Variants in MECOM observed in about 807,000 individuals in gnomAD.
The protein encoded by MECOM is MDS1 and EVI1 complex locus, also known as histone-lysine N-methyltransferase MECOM.
MECOM carries 13 observed loss-of-function variants against 116.3 expected under a neutral mutation model. The ratio of observed to expected loss-of-function variants is 0.11; its 90% confidence interval spans 0.07 to 0.18. The LOEUF (loss-of-function observed/expected upper bound fraction) is 0.18. MECOM is among the 10% of genes least tolerant of loss of function. The probability of loss-of-function intolerance (pLI) is 1.00; values close to 1 mark genes in which losing one functional copy is unlikely to be tolerated. For missense variants in MECOM, 1,299 were observed against 1,509.0 expected, an observed-to-expected ratio of 0.86 and a Z score of 2.31; for synonymous variants, 528 against 535.2, an observed-to-expected ratio of 0.99 and a Z score of 0.19.
At chr3:169,129,547 G>A (rs986293679) in intron 4 of MECOM, among the ~76,000 whole-genome samples, 2 of 151,876 alleles carry the variant, frequency 1.3e-5, no homozygotes, top group Non-Finnish European at 2.9e-5. Flanking sequence ...GGATTTAGAG[G>A]GTCGAGAGAG....
At chr3:169,164,741 G>A (rs1428766856) in intron 2 of MECOM, among the ~76,000 whole-genome samples, 1 of 150,796 alleles carries the variant, frequency 6.6e-6, no homozygotes, top group Non-Finnish European at 1.5e-5. Context: ...TTAACATTAT[G>A]TCATTAAACC....
At chr3:169,607,058 T>C (rs1250001290) in intron 1 of MECOM, among the ~76,000 whole-genome samples, 1 of 152,224 alleles carries the variant, frequency 6.6e-6, no homozygotes, top group Non-Finnish European at 1.5e-5. Flanking sequence ...CTCATTGAAC[T>C]CTTTCCACAA....
chr3:169,382,378 G>T, intron 1 of MECOM, among the ~76,000 whole-genome samples: 1 of 152,068 alleles, frequency 6.6e-6, no homozygotes, highest in East Asian at 1.9e-4. Context: ...CAGCAGGGTT[G>T]GATAGCTAGG....
chr3:169,434,888 T>C (rs1180082972), intron 1 of MECOM, among the ~76,000 whole-genome samples: 1 of 152,206 alleles, frequency 6.6e-6, no homozygotes, highest in Non-Finnish European at 1.5e-5. Flanking sequence ...AAATTTAAAC[T>C]TCATTACATC....
In MECOM at chr3:169,118,869, C is replaced by T. The variant is rs759006746; in HGVS notation, c.1133-2130G>A. Among the ~76,000 whole-genome samples the T allele has an allele frequency of 1.6e-4, 24 of 152,066 alleles. 1 individual carries two copies. The highest frequency in any genetic ancestry group is 2.4e-4 in the Non-Finnish European group (16 of 68,008). On this transcript the variant is annotated intron_variant, in intron 7 of 16. Coordinates refer to ENST00000651503, the MANE Select transcript of MECOM (RefSeq NM_004991.4). ...TCTGGGATGTTTTCTTAGGCAGAGG[C>T]TTTGTTTTCGGCACTTGAAGGCCTG...
intron 1 of MECOM, among the ~76,000 whole-genome samples, chr3:169,654,813 A>AACACACACACAC (rs10622808): frequency 5.5e-4 from 82 of 148,086 alleles, no homozygotes; most frequent in African/African-American, 2.0e-3. Context: ...CACCTATCAA[A>AACACACACACAC]ACACACACAC....
intron 1 of MECOM, among the ~76,000 whole-genome samples, chr3:169,561,893 C>T (rs1227756026): frequency 6.6e-6 from 1 of 151,856 alleles, no homozygotes; most frequent in Non-Finnish European, 1.5e-5. Context: ...CACCTGTAAT[C>T]CTAGCACTTT....
At chr3:169,639,405 C>T (rs975204133) in intron 1 of MECOM, among the ~76,000 whole-genome samples, 4 of 152,184 alleles carry the variant, frequency 2.6e-5, no homozygotes, top group African/African-American at 9.7e-5. Context: ...TAAGCTTTGT[C>T]TTTCCTACTG....
In MECOM at chr3:169,212,517, CTT is replaced by C. The variant is rs978302446; in HGVS notation, c.376-68687_376-68686del. Among the ~76,000 whole-genome samples, 18 of 150,356 alleles carry C rather than the reference CTT, an allele frequency of 1.2e-4. No individual in the cohort carries two copies. In the South Asian group the frequency reaches 3.6e-3, roughly 30 times the overall value. ...TTTAACAAATGACTACTTGCCCTGT[CTT>C]TTAAAACAATGTGAAGACAAAACAG... On this transcript the variant is annotated intron_variant, in intron 2 of 16. Coordinates refer to ENST00000651503, the MANE Select transcript of MECOM (RefSeq NM_004991.4).
intron 1 of MECOM, among the ~76,000 whole-genome samples, chr3:169,406,553 G>C (rs947584904): frequency 5.9e-5 from 9 of 152,172 alleles, no homozygotes; most frequent in Non-Finnish European, 1.5e-5. Flanking sequence ...GTGTTATGAA[G>C]CTGGCTTGGA....
At chr3:169,609,102 A>G (rs1188250825) in intron 1 of MECOM, among the ~76,000 whole-genome samples, 2 of 152,180 alleles carry the variant, frequency 1.3e-5, no homozygotes, top group South Asian at 2.1e-4. Context: ...TACAAAAGCC[A>G]TATCTCTTCT....
At chr3:169,269,701 G>A (rs1177276418) in intron 2 of MECOM, among the ~76,000 whole-genome samples, 3 of 152,068 alleles carry the variant, frequency 2.0e-5, no homozygotes, top group Non-Finnish European at 4.4e-5. Context: ...CTTAATGCTA[G>A]AAAAATGAGA....
intron 1 of MECOM, among the ~76,000 whole-genome samples, chr3:169,404,165 T>C (rs1736298003): frequency 6.6e-6 from 1 of 152,120 alleles, no homozygotes; most frequent in African/African-American, 2.4e-5. Flanking sequence ...GTTTTAAAAT[T>C]TTTTTAAATA....
At chr3:169,226,977 T>G (rs1752802480) in intron 2 of MECOM, among the ~76,000 whole-genome samples, 1 of 152,222 alleles carries the variant, frequency 6.6e-6, no homozygotes, top group Non-Finnish European at 1.5e-5. Flanking sequence ...TTAAGAGGTG[T>G]CTAACTTCAC....
intron 1 of MECOM, among the ~76,000 whole-genome samples, chr3:169,412,323 T>A (rs577440046): frequency 6.6e-6 from 1 of 151,572 alleles, no homozygotes; most frequent in South Asian, 2.1e-4. Flanking sequence ...ATTAAAAAGA[T>A]AAAAATAAAT....
chr3:169,662,877 C>T (rs537210336), intron 1 of MECOM, among the ~76,000 whole-genome samples: 1 of 151,994 alleles, frequency 6.6e-6, no homozygotes, highest in Non-Finnish European at 1.5e-5. Context: ...CTGCCGGCCC[C>T]CCATCCCCCG....
chr3:169,183,547 C>A (rs559396688), intron 2 of MECOM, among the ~76,000 whole-genome samples: 19 of 152,186 alleles, frequency 1.2e-4, no homozygotes, highest in African/African-American at 4.3e-4. Flanking sequence ...GAAAAATGTT[C>A]TTTGGCTTCA....
chr3:169,468,393 T>A (rs1465141276), intron 1 of MECOM, among the ~76,000 whole-genome samples: 8 of 152,208 alleles, frequency 5.3e-5, no homozygotes, highest in African/African-American at 1.7e-4. Flanking sequence ...ACAGCACTAA[T>A]CAGGGCTGTA....
chr3:169,130,250 T>A (rs1414580440), intron 4 of MECOM, among the ~76,000 whole-genome samples: 1 of 152,172 alleles, frequency 6.6e-6, no homozygotes, highest in East Asian at 1.9e-4. Context: ...GTCTAACATT[T>A]ACAGATGAAA....
Sources: gnomAD v4.1 joint callset for allele counts (sites outside exome capture counted in the v4.1 genomes callset) on GRCh38, gnomAD v4.1.1 for gene constraint, MANE v1.5 for transcripts, NCBI Gene and HGNC (gene_info 2026-07-23, HGNC 2026-07-21) for gene names.